The following CHRDL2 variants were observed in gnomAD, a reference collection of about 807,000 sequenced individuals.
CHRDL2 encodes the protein chordin like 2.
Under a neutral mutation model 54.3 loss-of-function variants are expected in CHRDL2, and 41 were observed. That is an observed-to-expected ratio of 0.76 (90% CI 0.59 to 0.98). The LOEUF (loss-of-function observed/expected upper bound fraction) is 0.98, where lower values mean the gene tolerates loss of function less well. Ranked by LOEUF, CHRDL2 falls within the 50% of genes least tolerant of loss-of-function variation. CHRDL2 has a pLI of 0.00. For missense variants in CHRDL2, 518 were observed against 562.4 expected (o/e 0.92, Z 0.80); for synonymous variants, 220 against 224.3 (o/e 0.98, Z 0.17).
intron 1 of CHRDL2, chr11:74,719,067 C>T: frequency 2.0e-6 from 1 of 499,060 alleles, no homozygotes; most frequent in Non-Finnish European, 3.6e-6. Flanking sequence ...GTCTCTGAGC[C>T]TTAACGCTTA....
At chr11:74,697,466 C>T in intron 9 of CHRDL2, 169 bp from the exon 10 acceptor site, 2 of 618,094 alleles carry the variant, frequency 3.2e-6, no homozygotes, top group Admixed American at 4.8e-5. Context: ...TGAATCCATT[C>T]TCCTATCTCT....
At chr11:74,722,606 G>A (rs2034515484) in intron 1 of CHRDL2, among the ~76,000 whole-genome samples, 1 of 152,030 alleles carries the variant, frequency 6.6e-6, no homozygotes, top group Non-Finnish European at 1.5e-5. Flanking sequence ...TTTGTTTCCT[G>A]TGGTGTTTCT....
chr11:74,701,274 TC>T (rs1358326141), intron 9 of CHRDL2: 12 of 280,796 alleles, frequency 4.3e-5, no homozygotes, highest in Non-Finnish European at 7.3e-5. Flanking sequence ...CCCAGAGAGA[TC>T]ATGTGACTGC....
chr11:74,730,992 G>T lies in CHRDL2; in HGVS notation c.-104C>A. On this transcript the variant is annotated 5_prime_UTR_variant, in exon 1 of 11. The change creates a new upstream start codon in the 5' untranslated region. Transcript: ENST00000376332. ...GCCACAGATCAACCCACAGACCCCA[G>T]GAGGTCTGCTGCTAGAGCGGGGTCG... 1 of 914,506 alleles carries T rather than the reference G, an allele frequency of 1.1e-6. No homozygotes were observed. The highest frequency in any genetic ancestry group is 1.7e-5 in the South Asian group (1 of 60,578). The allele number at this position is 914,506 out of a possible 1,614,324, so 56.6% of individuals were successfully genotyped here.
rs1456994025 is a variant in CHRDL2 at position 74,702,789 on chromosome 11, C to T, written c.1120+5G>A. ...ACACCCCACTGGGAGTGGGCCAGCA[C>T]TCACCTTTTACCAGCTTCCAGAGGT... On this transcript the variant is annotated splice_donor_5th_base_variant and intron_variant, in intron 9 of 10. Coordinates refer to ENST00000376332, the MANE Select transcript of CHRDL2 (RefSeq NM_001278473.3). 3 of 1,614,018 alleles carry T rather than the reference C, an allele frequency of 1.9e-6. No individual in the cohort carries two copies. Among genetic ancestry groups the T allele is most frequent in the South Asian group, 1.1e-5 (1 of 91,084 alleles).
chr11:74,717,621 TCAGG>T (rs2034396951), intron 2 of CHRDL2, among the ~76,000 whole-genome samples: 1 of 151,978 alleles, frequency 6.6e-6, no homozygotes, highest in Non-Finnish European at 1.5e-5. Flanking sequence ...AGTGTCAAAG[TCAGG>T]AGGGGGGCTA....
chr11:74,715,548 A>G (rs957956716), intron 2 of CHRDL2, among the ~76,000 whole-genome samples: 5 of 151,812 alleles, frequency 3.3e-5, no homozygotes, highest in Non-Finnish European at 5.9e-5. Flanking sequence ...GGTTACAGTG[A>G]GCCGAGATTA....
At chr11:74,717,729 C>T (rs1411543405) in intron 2 of CHRDL2, among the ~76,000 whole-genome samples, 6 of 152,172 alleles carry the variant, frequency 3.9e-5, no homozygotes, top group African/African-American at 1.4e-4. Context: ...CTCTTAGAGG[C>T]CTTCTGCATT....
intron 8 of CHRDL2, 89 bp from the exon 9 acceptor site, chr11:74,703,056 G>A: frequency 7.6e-7 from 1 of 1,316,890 alleles, no homozygotes; most frequent in Non-Finnish European, 1.0e-6. Context: ...GTGACTTCAT[G>A]GAATCCGGAA....
rs1272782634 is a variant in CHRDL2, at chr11:74,702,830, C to T, written c.1084G>A (p.Asp362Asn). The change falls in exon 9 of 11, where the codon GAC becomes AAC. Residue 362 changes from aspartate (D) to asparagine (N), a missense_variant. Physicochemically the swap from Asp to Asn is conservative, Grantham distance 23 (BLOSUM62 1). Coordinates refer to ENST00000376332, the MANE Select transcript of CHRDL2 (RefSeq NM_001278473.3). ...RRFALEHEASDLVEIYLWKLV... is the reference protein window; with the variant it reads ...RRFALEHEASNLVEIYLWKLV... ...TTCCAGAGGTAGATCTCCACCAAGT[C>T]CGAGGCCTCGTGTTCCAGGGCAAAG... 6.2e-7 allele frequency: 1 copy of T among 1,614,124 alleles called. No individual in the cohort carries two copies. Among genetic ancestry groups the T allele is most frequent in the East Asian group, 2.2e-5 (1 of 44,838 alleles).
chr11:74,707,133 T>A (rs2034037274), intron 5 of CHRDL2, among the ~76,000 whole-genome samples: 1 of 152,122 alleles, frequency 6.6e-6, no homozygotes, highest in African/African-American at 2.4e-5. Context: ...TCTCTCCCTA[T>A]CTCTTGCCTC....
Position 74,717,838 on chromosome 11 carries a change from A to C in CHRDL2, c.195+882T>G, listed in dbSNP as rs114336926. On this transcript the variant is annotated intron_variant, in intron 2 of 10. Coordinates refer to ENST00000376332, the MANE Select transcript of CHRDL2 (RefSeq NM_001278473.3). ...TCCAAGCACCAACACCCAGACAAAG[A>C]AAGCTGGGGACATCCACACTGGGCT... 6.6e-3 allele frequency among the ~76,000 whole-genome samples: 1,005 copies of C among 152,220 alleles called. 13 individuals are homozygous for C. Among genetic ancestry groups the C allele is most frequent in the African/African-American group, 0.022 (930 of 41,520 alleles).
chr11:74,723,740 C>G (rs553304351), intron 1 of CHRDL2, among the ~76,000 whole-genome samples: 9 of 152,236 alleles, frequency 5.9e-5, no homozygotes, highest in African/African-American at 2.2e-4. Flanking sequence ...GCACACTGGA[C>G]AAAGGGGTGA....
chr11:74,712,810 A>C (rs1026013598), intron 3 of CHRDL2, among the ~76,000 whole-genome samples: 2 of 152,020 alleles, frequency 1.3e-5, no homozygotes, highest in Non-Finnish European at 2.9e-5. Context: ...TTCTTCCTAG[A>C]CCACCTCTCC....
intron 1 of CHRDL2, among the ~76,000 whole-genome samples, chr11:74,729,963 T>C (rs2034627027): frequency 6.6e-6 from 1 of 152,022 alleles, no homozygotes; most frequent in Admixed American, 6.6e-5. Context: ...TGGGAACTGA[T>C]TTTTTTTGGA....
In CHRDL2 at chr11:74,708,352, C is replaced by A; in HGVS notation, c.476G>T (p.Gly159Val). The A allele has an allele frequency of 1.3e-6, 2 of 1,585,520 alleles. No individual in the cohort carries two copies. The highest frequency in any genetic ancestry group is 1.7e-6 in the Non-Finnish European group (2 of 1,169,154). ...YCGLTTCPEP[G>V]CPAPLPLPDS... ...TGGCAGCGGGAGGGGTGCTGGGCAG[C>A]CTGGTTCGGGGCAGGTTGTGAGGCC... The change falls in exon 5 of 11, where the codon GGC becomes GTC. Residue 159 changes from glycine to valine, a missense_variant. Gly to Val is a moderately radical substitution (Grantham distance 109). Transcript: ENST00000376332.
At chr11:74,729,749 A>G (rs1230380480) in intron 1 of CHRDL2, among the ~76,000 whole-genome samples, 1 of 152,226 alleles carries the variant, frequency 6.6e-6, no homozygotes, top group Non-Finnish European at 1.5e-5. Flanking sequence ...TATGTCCTGG[A>G]GAAACCCACT....
At chr11:74,705,081 G>C (rs978469326) in intron 6 of CHRDL2, among the ~76,000 whole-genome samples, 2 of 151,992 alleles carry the variant, frequency 1.3e-5, no homozygotes, top group African/African-American at 4.8e-5. Flanking sequence ...CTGGACAAGG[G>C]GATGGCCCTC....
chr11:74,714,240 C>A (rs2034280707), intron 2 of CHRDL2, among the ~76,000 whole-genome samples: 1 of 152,130 alleles, frequency 6.6e-6, no homozygotes, highest in Non-Finnish European at 1.5e-5. Flanking sequence ...ACCATTTACA[C>A]CTGTGTCACC....
Sources: allele counts gnomAD v4.1 joint callset (sites outside exome capture counted in the v4.1 genomes callset), GRCh38; gene constraint gnomAD v4.1.1; transcripts MANE v1.5; gene names NCBI Gene and HGNC (gene_info 2026-07-23, HGNC 2026-07-21).